Variants in WDFY1 observed in about 807,000 individuals in gnomAD.
WDFY1 encodes the protein WD repeat and FYVE domain-containing protein 1.
In WDFY1, 32 loss-of-function variants were observed where a neutral mutation model predicts 56.4. That is an observed-to-expected ratio of 0.57 (90% confidence interval 0.43 to 0.76). The LOEUF (loss-of-function observed/expected upper bound fraction) is 0.76. Among genes scored for constraint, WDFY1 ranks in the 30% least tolerant of loss-of-function variants. The pLI is 0.00. For missense variants in WDFY1, 480 were observed against 545.7 expected, an observed-to-expected ratio of 0.88 and a Z score of 1.20; for synonymous variants, 192 against 197.3, an observed-to-expected ratio of 0.97 and a Z score of 0.23.
rs1256599570 is a variant in WDFY1, at chr2:223,945,201, C to T, written c.84G>A (p.Thr28=). 6.3e-6 allele frequency: 10 copies of T among 1,598,908 alleles called. No homozygotes were observed. In the African/African-American group the frequency reaches 9.6e-5, roughly 15 times the overall value. Residue 28 remains threonine (T), a synonymous_variant, in exon 1 of 12, where the codon ACG becomes ACA. Coordinates refer to ENST00000233055, the MANE Select transcript of WDFY1 (RefSeq NM_020830.5). ...SKIEGHQDAV[T]AALLIPKEDG... ...CCTCCTTGGGGATGAGCAGCGCGGC[C>T]GTGACGGCGTCCTGGTGCCCCTCGA...
chr2:223,885,191 T>TG (rs11321677), intron 8 of WDFY1, among the ~76,000 whole-genome samples: 174 of 151,524 alleles, frequency 1.1e-3, no homozygotes, highest in South Asian at 2.3e-3. Context: ...TAATTGTGTG[T>TG]GGGGGGGGGT....
intron 9 of WDFY1, among the ~76,000 whole-genome samples, chr2:223,883,956 A>C (rs950621310): frequency 3.3e-5 from 5 of 152,106 alleles, no homozygotes; most frequent in African/African-American, 1.2e-4. Context: ...AAAAAAGTTT[A>C]TTAACACATA....
intron 2 of WDFY1, among the ~76,000 whole-genome samples, chr2:223,913,097 C>G (rs541955846): frequency 6.6e-6 from 1 of 150,384 alleles, no homozygotes; most frequent in Admixed American, 6.7e-5. Flanking sequence ...TCATAAAAGA[C>G]GGGTGGGTAG....
chr2:223,923,386 C>T (rs1693922698), intron 1 of WDFY1, among the ~76,000 whole-genome samples: 1 of 152,170 alleles, frequency 6.6e-6, no homozygotes, highest in Non-Finnish European at 1.5e-5. Context: ...TAAAAAATTA[C>T]TATCCAGTAA....
At chr2:223,896,446 T>C (rs1050170163) in intron 6 of WDFY1, among the ~76,000 whole-genome samples, 8 of 152,178 alleles carry the variant, frequency 5.3e-5, no homozygotes, top group Admixed American at 5.2e-4. Context: ...AAAAAGTCTG[T>C]TGTACACTAC....
Position 223,895,408 on chromosome 2 carries a change from G to A in WDFY1, c.725+96C>T, listed in dbSNP as rs531644464. On this transcript the variant is annotated intron_variant, in intron 7 of 11. Coordinates refer to ENST00000233055, the MANE Select transcript of WDFY1 (RefSeq NM_020830.5). ...TCAATGATAATTGCCATCTTAGAAC[G>A]TGGGGTTTGCAGAAAGTGGTATCAG... 47 of 1,565,564 alleles carry A rather than the reference G, an allele frequency of 3.0e-5. No individual in the cohort carries two copies. The South Asian group carries it at 3.2e-4, about 11-fold the overall frequency.
At chr2:223,897,682 T>C (rs991488244) in intron 6 of WDFY1, among the ~76,000 whole-genome samples, 8 of 152,012 alleles carry the variant, frequency 5.3e-5, no homozygotes, top group South Asian at 2.1e-4. Flanking sequence ...GCCCAGCCTC[T>C]AAATTTCATG....
intron 9 of WDFY1, among the ~76,000 whole-genome samples, chr2:223,883,280 T>C (rs756358450): frequency 4.6e-5 from 7 of 152,250 alleles, no homozygotes; most frequent in Non-Finnish European, 1.0e-4. Context: ...ACTGTGATTC[T>C]GGAAATAAGC....
intron 7 of WDFY1, among the ~76,000 whole-genome samples, chr2:223,894,633 T>A (rs1693330328): frequency 6.6e-6 from 1 of 152,234 alleles, no homozygotes; most frequent in Non-Finnish European, 1.5e-5. Context: ...ATGATTTCCC[T>A]TTCAGATGCA....
At chr2:223,933,128 C>A (rs1220693980) in intron 1 of WDFY1, among the ~76,000 whole-genome samples, 2 of 53,044 alleles carry the variant, frequency 3.8e-5, no homozygotes, top group Non-Finnish European at 7.0e-5. Context: ...GAGAAACCAG[C>A]CTCATTTTGT....
intron 3 of WDFY1, among the ~76,000 whole-genome samples, chr2:223,906,723 T>C (rs1281605610): frequency 1.3e-5 from 2 of 152,046 alleles, no homozygotes; most frequent in Non-Finnish European, 2.9e-5. Flanking sequence ...TTTCACCATG[T>C]TGGCTAGGAT....
chr2:223,929,478 G>A (rs181808776), intron 1 of WDFY1, among the ~76,000 whole-genome samples: 92 of 152,036 alleles, frequency 6.1e-4, no homozygotes, highest in African/African-American at 2.1e-3. Context: ...ATGAGCCACC[G>A]TGCCCAGCCT....
At chr2:223,921,927 ACTCTT>A (rs1437213586) in intron 1 of WDFY1, among the ~76,000 whole-genome samples, 3 of 152,110 alleles carry the variant, frequency 2.0e-5, no homozygotes, top group Admixed American at 2.0e-4. Context: ...GGAGTAGTGG[ACTCTT>A]GCCTCCCTCT....
chr2:223,930,321 T>C (rs10933025), intron 1 of WDFY1, among the ~76,000 whole-genome samples: 118,764 of 152,172 alleles, frequency 0.78, 48,765 homozygotes, highest in Non-Finnish European at 0.93. Context: ...AGATGGAATA[T>C]ATTTCTCTGA....
At chr2:223,899,144 G>C (rs1275914102) in intron 5 of WDFY1, 74 bp from the exon 6 acceptor site, 16 of 1,199,126 alleles carry the variant, frequency 1.3e-5, no homozygotes, top group Middle Eastern at 1.9e-4. Context: ...ACCAGCATTA[G>C]TCAAAGTTAG....
At chr2:223,894,544 T>C (rs112959273) in intron 7 of WDFY1, 1 of 557,482 alleles carries the variant, frequency 1.8e-6, no homozygotes, top group Non-Finnish European at 3.2e-6. Flanking sequence ...CTATAAAATA[T>C]ATGACTACTT....
chr2:223,880,351 AC>A, intron 10 of WDFY1, 119 bp from the exon 11 acceptor site: 1 of 805,950 alleles, frequency 1.2e-6, no homozygotes, highest in African/African-American at 1.7e-5. Context: ...TCATGTCTGT[AC>A]CCCCAGCACT....
chr2:223,880,343 A>C, intron 10 of WDFY1, 111 bp from the exon 11 acceptor site: 2 of 889,546 alleles, frequency 2.2e-6, no homozygotes, highest in Non-Finnish European at 3.5e-6. Context: ...GCAGTGGCTC[A>C]TGTCTGTACC....
At chr2:223,932,280 G>A (rs1462402066) in intron 1 of WDFY1, among the ~76,000 whole-genome samples, 2 of 151,876 alleles carry the variant, frequency 1.3e-5, no homozygotes, top group South Asian at 4.2e-4. Context: ...CTGCCACCAC[G>A]CCTGGCTAAT....
Sources: gnomAD v4.1 joint callset for allele counts (sites outside exome capture counted in the v4.1 genomes callset) on GRCh38, gnomAD v4.1.1 for gene constraint, MANE v1.5 for transcripts, NCBI Gene and HGNC (gene_info 2026-07-23, HGNC 2026-07-21) for gene names.